FAM107B: variants seen among roughly 807,000 people sequenced by gnomAD.
FAM107B encodes the protein protein FAM107B.
A neutral mutation model predicts 31.5 loss-of-function variants in FAM107B; 21 were observed. That is an observed-to-expected ratio of 0.67 (90% CI 0.47 to 0.96). The LOEUF (loss-of-function observed/expected upper bound fraction) is 0.96. FAM107B is among the 40% of genes least tolerant of loss of function. The pLI, the probability that FAM107B is intolerant of heterozygous loss-of-function variation, is 0.00. For synonymous variants in FAM107B, 157 were observed against 141.5 expected, an observed-to-expected ratio of 1.11 and a Z score of -0.78; for missense variants, 452 against 377.1, an observed-to-expected ratio of 1.20 and a Z score of -1.64.
chr10:14,774,159 T>C, intron 1 of FAM107B, 94 bp downstream of exon 1: 1 of 1,476,042 alleles, frequency 6.8e-7, no homozygotes, highest in Non-Finnish European at 9.1e-7. Context: ...TTCAGTAAGG[T>C]TAAATGAGTT....
intron 1 of FAM107B, among the ~76,000 whole-genome samples, chr10:14,741,420 G>A (rs1335341868): frequency 6.6e-6 from 1 of 152,180 alleles, no homozygotes; most frequent in African/African-American, 2.4e-5. Context: ...TTAGGCCAGA[G>A]AGAGAGCATC....
chr10:14,730,725 G>A (rs1856154127), intron 1 of FAM107B, among the ~76,000 whole-genome samples: 1 of 152,188 alleles, frequency 6.6e-6, no homozygotes, highest in Non-Finnish European at 1.5e-5. Flanking sequence ...TAGACCAGGC[G>A]AGAAATTATG....
At position 14,774,353 on chromosome 10, in the gene FAM107B, G is replaced by A. The variant is rs371323643; in HGVS notation, c.311C>T (p.Thr104Met). 8 of 1,614,044 alleles carry A rather than the reference G, an allele frequency of 5.0e-6. No homozygotes were observed. In the African/African-American group the frequency reaches 5.3e-5, roughly 11 times the overall value. Residue 104 changes from threonine to methionine, a missense_variant, in exon 1 of 5, where the codon ACG (threonine) becomes ATG (methionine). Coordinates refer to ENST00000181796, the MANE Select transcript of FAM107B (RefSeq NM_031453.4). ...SHRTAAQPAE[T>M]PEDVPGSLDD... ...CAGGGACCCGGGCACATCTTCAGGC[G>A]TCTCCGCGGGCTGGGCCGCAGTGCG... is the stretch of plus-strand genomic sequence containing the variant.
intron 2 of FAM107B, among the ~76,000 whole-genome samples, chr10:14,587,137 C>A (rs1450302399): frequency 6.6e-6 from 1 of 152,082 alleles, no homozygotes; most frequent in African/African-American, 2.4e-5. Context: ...AGTCACACTG[C>A]AGAGATGAGA....
In FAM107B at chr10:14,723,573, A is replaced by G. The variant is rs565391258; in HGVS notation, c.411+50680T>C. 3.5e-5 allele frequency: 23 copies of G among 661,814 alleles called. No homozygotes were observed. In the South Asian group the frequency reaches 3.6e-4, roughly 10 times the overall value. The allele number at this position is 661,814 out of a possible 1,614,324, so 41.0% of individuals were successfully genotyped here. On this transcript the variant is annotated intron_variant, in intron 1 of 4. Coordinates refer to ENST00000181796, the MANE Select transcript of FAM107B (RefSeq NM_031453.4). ...TGTGAGCTCCCTTACTGTTGCATGG[A>G]AAGGCTATGTCCACATAGAACAGAG...
At chr10:14,657,675 C>T (rs1854099818) in intron 2 of FAM107B, among the ~76,000 whole-genome samples, 1 of 152,160 alleles carries the variant, frequency 6.6e-6, no homozygotes, top group Non-Finnish European at 1.5e-5. Flanking sequence ...GAAACATTTT[C>T]TCTTTGTTAA....
rs1848623174 is a variant in FAM107B, at chr10:14,545,608, C to T, written c.470-15093G>A. On this transcript the variant is annotated intron_variant, in intron 2 of 4. Coordinates refer to ENST00000181796, the MANE Select transcript of FAM107B (RefSeq NM_031453.4). ...TAGAGGGGAGAGGCCATGTGGCAAT[C>T]CCATGCACAGCTTCCAAACCACCTG... is the stretch of plus-strand genomic sequence containing the variant. Among the ~76,000 whole-genome samples, 4 of 152,196 alleles carry T rather than the reference C, an allele frequency of 2.6e-5. No homozygotes were observed. In the South Asian group the frequency reaches 8.3e-4, roughly 31 times the overall value.
At chr10:14,556,405 G>C in intron 2 of FAM107B, 1 of 985,430 alleles carries the variant, frequency 1.0e-6, no homozygotes, top group Non-Finnish European at 1.2e-6. Context: ...GGATTCTCTG[G>C]CTGAAAAAGG....
chr10:14,737,852 AT>A (rs1420529776), intron 1 of FAM107B, among the ~76,000 whole-genome samples: 1 of 143,980 alleles, frequency 6.9e-6, no homozygotes, highest in Non-Finnish European at 1.5e-5. Context: ...CAGTTCATTT[AT>A]TTTTTTTTCC....
chr10:14,774,789 C>T lies in FAM107B; in HGVS notation c.-126G>A, dbSNP rs1203375235. On this transcript the variant is annotated 5_prime_UTR_variant, in exon 1 of 5. Coordinates refer to ENST00000181796, the MANE Select transcript of FAM107B (RefSeq NM_031453.4). ...GAAGAGAAGAACTTGCTAGTGGTTG[C>T]CCCTAAATAGAAGTTGGGATGGCAA... 9 of 1,120,102 alleles carry T rather than the reference C, an allele frequency of 8.0e-6. No homozygotes were observed. The highest frequency in any genetic ancestry group is 1.1e-5 in the Non-Finnish European group (9 of 802,904). The allele number at this position is 1,120,102 out of a possible 1,614,324, so 69.4% of individuals were successfully genotyped here.
At chr10:14,626,649 G>A (rs575881534) in intron 2 of FAM107B, among the ~76,000 whole-genome samples, 2 of 152,034 alleles carry the variant, frequency 1.3e-5, no homozygotes, top group African/African-American at 2.4e-5. Context: ...GACTACAGGC[G>A]CCCGCCACCA....
chr10:14,697,211 A>T (rs66682818), intron 1 of FAM107B, among the ~76,000 whole-genome samples: 13,500 of 152,240 alleles, frequency 0.089, 1,351 homozygotes, highest in African/African-American at 0.25. Flanking sequence ...AAGGGCTGCC[A>T]CATTGCCTCT....
chr10:14,559,128 A>C (rs1054365755), intron 2 of FAM107B, among the ~76,000 whole-genome samples: 2 of 142,014 alleles, frequency 1.4e-5, no homozygotes, highest in African/African-American at 2.6e-5. Context: ...CAAAAAAAAA[A>C]CACCTGGTGT....
At chr10:14,637,777 G>A (rs1327691904) in intron 2 of FAM107B, among the ~76,000 whole-genome samples, 1 of 152,122 alleles carries the variant, frequency 6.6e-6, no homozygotes, top group Non-Finnish European at 1.5e-5. Context: ...GTGTATATTA[G>A]GATGCCCATG....
At chr10:14,551,969 T>C (rs1564557020) in intron 2 of FAM107B, among the ~76,000 whole-genome samples, 4 of 152,324 alleles carry the variant, frequency 2.6e-5, no homozygotes, top group African/African-American at 7.2e-5. Context: ...TTGCCACACA[T>C]TTAGCCTCTC....
intron 2 of FAM107B, among the ~76,000 whole-genome samples, chr10:14,584,710 A>G (rs903986429): frequency 6.6e-6 from 1 of 152,204 alleles, no homozygotes; most frequent in Non-Finnish European, 1.5e-5. Context: ...CTGACTTCCT[A>G]GAACTAAATC....
chr10:14,728,034 T>G (rs908323490), intron 1 of FAM107B, among the ~76,000 whole-genome samples: 5 of 152,190 alleles, frequency 3.3e-5, no homozygotes, highest in Non-Finnish European at 7.3e-5. Flanking sequence ...TCTTATTCAC[T>G]GCCACCCTCC....
At chr10:14,637,264 C>T (rs1477361746) in intron 2 of FAM107B, among the ~76,000 whole-genome samples, 1 of 152,126 alleles carries the variant, frequency 6.6e-6, no homozygotes, top group Non-Finnish European at 1.5e-5. Flanking sequence ...CCCTATGATC[C>T]CTACCTCCTG....
intron 1 of FAM107B, among the ~76,000 whole-genome samples, chr10:14,706,268 G>T (rs1053845383): frequency 1.3e-5 from 2 of 151,884 alleles, no homozygotes; most frequent in African/African-American, 2.4e-5. Flanking sequence ...GAGTACCGTG[G>T]TGCAATCATA....
Sources: gnomAD v4.1 joint callset for allele counts (sites outside exome capture counted in the v4.1 genomes callset) on GRCh38, gnomAD v4.1.1 for gene constraint, MANE v1.5 for transcripts, NCBI Gene and HGNC (gene_info 2026-07-23, HGNC 2026-07-21) for gene names.